The following RPH3AL variants were observed in gnomAD, a reference collection of about 807,000 sequenced individuals.
RPH3AL encodes the protein rab effector Noc2.
Under a neutral mutation model 43.1 loss-of-function variants are expected in RPH3AL, and 38 were observed. The ratio of observed to expected loss-of-function variants is 0.88; its 90% CI spans 0.68 to 1.15. RPH3AL has a LOEUF of 1.15. RPH3AL is among the 50% of genes most tolerant of loss of function. The probability of loss-of-function intolerance (pLI) is 0.00; values close to 1 mark genes in which losing one functional copy is unlikely to be tolerated. For synonymous variants in RPH3AL, 189 were observed against 176.3 expected, an observed-to-expected ratio of 1.07 and a Z score of -0.57; for missense variants, 462 against 423.2, an observed-to-expected ratio of 1.09 and a Z score of -0.81.
At chr17:344,381 TCAC>T (rs1450874642) in intron 1 of RPH3AL, among the ~76,000 whole-genome samples, 1 of 128,918 alleles carries the variant, frequency 7.8e-6, no homozygotes, top group Non-Finnish European at 1.7e-5. Context: ...ATCATAACCA[TCAC>T]CACCATCAGA....
rs930255575 is a variant in RPH3AL at position 215,445 on chromosome 17, G to A, written c.876+209C>T. ...GCTGTGATTACCGAGAGTGGCTAGG[G>A]ATGGCTACCATTATCATTCTGGGTC... is the stretch of plus-strand genomic sequence containing the variant. On this transcript the variant is annotated intron_variant, in intron 9 of 9. Transcript: ENST00000331302. This position sits in a 1 kb window ranked among gnomAD's most constrained non-coding sequence, Gnocchi z 4.1. 1.7e-4 allele frequency among the ~76,000 whole-genome samples: 26 copies of A among 152,216 alleles called. No homozygotes were observed. The highest frequency in any genetic ancestry group is 6.3e-4 in the African/African-American group (26 of 41,460).
chr17:312,658 C>T (rs1049556387), intron 5 of RPH3AL, among the ~76,000 whole-genome samples: 8 of 152,224 alleles, frequency 5.3e-5, no homozygotes, highest in East Asian at 3.8e-4. Flanking sequence ...CTTTACTGCA[C>T]GCTGCCAATG....
intron 6 of RPH3AL, among the ~76,000 whole-genome samples, chr17:263,921 G>A (rs1269278570): frequency 1.6e-4 from 24 of 152,168 alleles, no homozygotes; most frequent in Admixed American, 1.6e-3. Context: ...GGGTTTTCAA[G>A]GGGGAACCAA....
intron 1 of RPH3AL, chr17:341,056 C>T (rs2045108775): frequency 1.2e-5 from 1 of 85,212 alleles, no homozygotes; most frequent in East Asian, 3.3e-4. Flanking sequence ...ACTGCCCCTG[C>T]CCAGGTCTCC....
rs535074110 is a variant in RPH3AL at position 230,968 on chromosome 17, G to C, written c.614-11232C>G. Among the ~76,000 whole-genome samples the C allele has an allele frequency of 2.3e-3, 348 of 152,304 alleles. 3 individuals carry two copies. Among genetic ancestry groups the C allele is most frequent in the African/African-American group, 8.1e-3 (338 of 41,570 alleles). On this transcript the variant is annotated intron_variant, in intron 7 of 9. Transcript: ENST00000331302. The stretch of plus-strand genomic sequence containing the variant: ...CCCGAAGTGCTGGGATCACAGGCGT[G>C]AGCCATGGCACCTGGCCTCTTGCTG...
intron 8 of RPH3AL, among the ~76,000 whole-genome samples, chr17:218,241 C>T (rs2040859397): frequency 7.0e-6 from 1 of 142,942 alleles, no homozygotes; most frequent in South Asian, 2.3e-4. Context: ...GCATTTCGTT[C>T]CCATCTGGGG....
At position 322,238 on chromosome 17, in the gene RPH3AL, A is replaced by C. The variant is rs1335558388; in HGVS notation, c.78-823T>G. The C allele has an allele frequency of 6.6e-6, 1 of 152,164 alleles. No individual in the cohort carries two copies. Among genetic ancestry groups the C allele is most frequent in the Admixed American group, 6.6e-5 (1 of 15,262 alleles). The allele number at this position is 152,164 out of a possible 1,614,324, so 9.4% of individuals were successfully genotyped here. A position where few individuals can be genotyped will look rare whatever the true frequency, so the allele number is the denominator to read the frequency against. Reference sequence around the variant, plus strand: ...GCAAATGGGGCGGGGGAAGGACTCAAACTCCTTCTATTTTTCTGGACAGGG... The same window carrying C: ...GCAAATGGGGCGGGGGAAGGACTCACACTCCTTCTATTTTTCTGGACAGGG... On this transcript the variant is annotated intron_variant, in intron 3 of 9. Transcript: ENST00000331302. The surrounding 1 kb of genome is among the most constrained non-coding windows in gnomAD (Gnocchi z 4.0).
intron 5 of RPH3AL, among the ~76,000 whole-genome samples, chr17:313,214 C>T (rs1044835004): frequency 6.6e-6 from 1 of 152,202 alleles, no homozygotes; most frequent in Non-Finnish European, 1.5e-5. Flanking sequence ...CGTTGCCTGT[C>T]TCCATCCCTA....
intron 7 of RPH3AL, 27 bp downstream of exon 7, chr17:247,084 C>G (rs756385939): frequency 2.5e-6 from 4 of 1,613,672 alleles, no homozygotes; most frequent in Non-Finnish European, 2.5e-6. Context: ...TACAGGCCAT[C>G]CTGGGAGAGA....
At chr17:273,551 A>G (rs372223939) in intron 6 of RPH3AL, among the ~76,000 whole-genome samples, 5 of 107,906 alleles carry the variant, frequency 4.6e-5, no homozygotes, top group African/African-American at 1.0e-4. Context: ...GGGTGACGTC[A>G]GGGAGAGACC....
At chr17:321,695 C>A (rs1470903936) in intron 3 of RPH3AL, 3 of 409,038 alleles carry the variant, frequency 7.3e-6, no homozygotes, top group Admixed American at 4.5e-5. Flanking sequence ...GTGCCGGGGA[C>A]AAGGCACATG....
At chr17:286,460 G>A (rs928789037) in intron 5 of RPH3AL, among the ~76,000 whole-genome samples, 1 of 152,192 alleles carries the variant, frequency 6.6e-6, no homozygotes, top group African/African-American at 2.4e-5. Flanking sequence ...GCGTTCCTAA[G>A]AGGCGAGGGC....
At chr17:224,979 G>A (rs1247344317) in intron 7 of RPH3AL, among the ~76,000 whole-genome samples, 1 of 139,592 alleles carries the variant, frequency 7.2e-6, no homozygotes, top group African/African-American at 2.6e-5. Context: ...TTGGGGGAGG[G>A]GGGAGGGATA....
Position 219,531 on chromosome 17 carries a change from T to TCTTCC in RPH3AL, c.727+91_727+92insGGAAG, listed in dbSNP as rs2040901675. 1.2e-4 allele frequency: 29 copies of TCTTCC among 249,866 alleles called. 3 individuals carry two copies. In the Middle Eastern group the frequency reaches 7.1e-3, roughly 61 times the overall value. The allele number at this position is 249,866 out of a possible 1,614,324, so 15.5% of individuals were successfully genotyped here. A position where few individuals can be genotyped will look rare whatever the true frequency, so the allele number is the denominator to read the frequency against. ...CATTTCTTTTCTTTTTCTTCCTTTT[T>TCTTCC]TTTTTTTTTTTGAGATGGAGTTTCG... On this transcript the variant is annotated intron_variant, in intron 8 of 9. Coordinates refer to ENST00000331302, the MANE Select transcript of RPH3AL (RefSeq NM_006987.4).
chr17:262,494 G>A (rs8064378), intron 6 of RPH3AL, among the ~76,000 whole-genome samples: 30,193 of 151,938 alleles, frequency 0.2, 3,114 homozygotes, highest in Non-Finnish European at 0.22. Context: ...GATTACAGGC[G>A]TGAGCCACCG....
Position 250,901 on chromosome 17 carries a change from G to A in RPH3AL, c.439-3616C>T, listed in dbSNP as rs188322720. Among the ~76,000 whole-genome samples, 571 of 149,668 alleles carry A rather than the reference G, an allele frequency of 3.8e-3. 5 individuals carry two copies. Among genetic ancestry groups the A allele is most frequent in the Middle Eastern group, 0.011 (3 of 274 alleles). Reference sequence around the variant, plus strand: ...CTGTGGGACCTCTCAGAGCCTAAGCGCCATCGCTGCAGGACCTCTCAGAGC... The same window carrying A: ...CTGTGGGACCTCTCAGAGCCTAAGCACCATCGCTGCAGGACCTCTCAGAGC... On this transcript the variant is annotated intron_variant, in intron 6 of 9. Transcript: ENST00000331302.
chr17:235,444 G>C (rs371339920), intron 7 of RPH3AL, among the ~76,000 whole-genome samples: 985 of 64,244 alleles, frequency 0.015, 13 homozygotes, highest in Middle Eastern at 0.039. Flanking sequence ...AGTAACAAGA[G>C]GGATGCAGGG....
rs1232005973 is a variant in RPH3AL at position 225,133 on chromosome 17, G to T, written c.614-5397C>A. 6.9e-6 allele frequency among the ~76,000 whole-genome samples: 1 copy of T among 145,658 alleles called. No individual in the cohort carries two copies. The highest frequency in any genetic ancestry group is 2.5e-5 in the African/African-American group (1 of 40,654). On this transcript the variant is annotated intron_variant, in intron 7 of 9. Coordinates refer to ENST00000331302, the MANE Select transcript of RPH3AL (RefSeq NM_006987.4). This position sits in a 1 kb window ranked among gnomAD's most constrained non-coding sequence, Gnocchi z 4.4. The stretch of plus-strand genomic sequence containing the variant: ...TATAATGGAAAAAAAAAAAAAAAGA[G>T]TGATGAGCATGGGATCAGGCCTGGC...
intron 7 of RPH3AL, among the ~76,000 whole-genome samples, chr17:227,252 TC>T (rs2041127760): frequency 1.3e-5 from 2 of 152,244 alleles, no homozygotes; most frequent in East Asian, 1.9e-4. Context: ...GGCCAGCTTT[TC>T]TTTCCCCCTG....
Sources: allele counts gnomAD v4.1 joint callset (sites outside exome capture counted in the v4.1 genomes callset), GRCh38; gene constraint gnomAD v4.1.1; non-coding constraint Gnocchi (gnomAD v3.1); transcripts MANE v1.5; gene names NCBI Gene and HGNC (gene_info 2026-07-23, HGNC 2026-07-21).